Variants in GAS7 observed in about 807,000 individuals in gnomAD.
GAS7 encodes growth arrest specific 7, also known as growth arrest-specific protein 7.
GAS7 carries 28 observed loss-of-function variants against 71.1 expected under a neutral mutation model. The observed-to-expected ratio is 0.39, with a 90% confidence interval of 0.29 to 0.54. The LOEUF (loss-of-function observed/expected upper bound fraction) is 0.54. Among genes scored for constraint, GAS7 ranks in the 20% least tolerant of loss-of-function variants. The pLI, the probability that GAS7 is intolerant of heterozygous loss-of-function variation, is 0.62. For synonymous variants in GAS7, 258 were observed against 245.8 expected (o/e 1.05, Z -0.46); for missense variants, 436 against 627.8 (o/e 0.69, Z 3.27).
chr17:10,100,503 C>T (rs146965912), intron 1 of GAS7, among the ~76,000 whole-genome samples: 6 of 152,298 alleles, frequency 3.9e-5, no homozygotes, highest in South Asian at 4.1e-4. Context: ...AAATCCCATC[C>T]AGGTGAGAGC....
chr17:10,004,046 G>T (rs973240084), intron 2 of GAS7, among the ~76,000 whole-genome samples: 7 of 152,154 alleles, frequency 4.6e-5, no homozygotes, highest in African/African-American at 1.7e-4. Context: ...TCGTAGGAGT[G>T]GCAACTCACA....
At chr17:10,160,939 T>TAAACACACACACAC (rs2074250109) in intron 1 of GAS7, among the ~76,000 whole-genome samples, 1 of 139,604 alleles carries the variant, frequency 7.2e-6, no homozygotes, top group East Asian at 2.1e-4. Context: ...ATTGAAACCA[T>TAAACACACACACAC]ACACACACAC....
At chr17:10,182,897 T>A (rs1160734791) in intron 1 of GAS7, among the ~76,000 whole-genome samples, 1 of 152,232 alleles carries the variant, frequency 6.6e-6, no homozygotes, top group African/African-American at 2.4e-5. Context: ...AGCAGTCTCC[T>A]GAGTTTCACC....
intron 1 of GAS7, among the ~76,000 whole-genome samples, chr17:10,132,113 G>T (rs1413202175): frequency 6.6e-6 from 1 of 152,184 alleles, no homozygotes; most frequent in African/African-American, 2.4e-5. Flanking sequence ...CTCAATGATT[G>T]CATGAGTACT....
rs150719505 is a variant in GAS7, at chr17:9,981,869, C to T, written c.320G>A (p.Arg107His). 166 of 1,588,520 alleles carry T rather than the reference C, an allele frequency of 1.0e-4. No homozygotes were observed. The highest frequency in any genetic ancestry group is 1.2e-4 in the Non-Finnish European group (141 of 1,156,834). The change falls in exon 3 of 14, where the codon CGT becomes CAT. Residue 107 changes from arginine (R) to histidine (H), a missense_variant. By Grantham distance (29) the Arg-to-His change is conservative (BLOSUM62 0). Coordinates refer to ENST00000432992, the MANE Select transcript of GAS7 (RefSeq NM_201433.2). This position sits in a 1 kb window ranked among gnomAD's most constrained non-coding sequence, Gnocchi z 4.4. ...NTTTNETTWERPSSSPGIPAS... is the reference protein window; with the variant it reads ...NTTTNETTWEHPSSSPGIPAS... ...TGGAATCCCAGGAGAACTGCTGGGA[C>T]GTTCCCAGGTGGTCTCTGGTGAAAG...
In GAS7 at chr17:10,053,931, C is replaced by T. The variant is rs993651404; in HGVS notation, c.184-34034G>A. On this transcript the variant is annotated intron_variant, in intron 1 of 13. Coordinates refer to ENST00000432992, the MANE Select transcript of GAS7 (RefSeq NM_201433.2). ...GAAGGGCTGTTAGGACACAGTCTGC[C>T]GGGCCCACCCTCCAAGCTTCTGGAT... Among the ~76,000 whole-genome samples the T allele has an allele frequency of 3.9e-5, 6 of 152,256 alleles. No individual in the cohort carries two copies. In the South Asian group the frequency reaches 6.2e-4, roughly 16 times the overall value.
intron 1 of GAS7, among the ~76,000 whole-genome samples, chr17:10,048,880 C>T (rs1299104177): frequency 6.6e-6 from 1 of 152,196 alleles, no homozygotes; most frequent in Admixed American, 6.5e-5. Flanking sequence ...ATGCAAAAAT[C>T]CAGAGAACTG....
intron 7 of GAS7, among the ~76,000 whole-genome samples, chr17:9,941,686 G>A (rs952421026): frequency 2.6e-5 from 4 of 152,200 alleles, no homozygotes; most frequent in South Asian, 2.1e-4. Flanking sequence ...AACCATAAGC[G>A]TGTTCAAGCT....
intron 1 of GAS7, among the ~76,000 whole-genome samples, chr17:10,057,099 A>G (rs2073150875): frequency 6.6e-6 from 1 of 152,054 alleles, no homozygotes; most frequent in Admixed American, 6.6e-5. Context: ...CTCAGTGCTC[A>G]ATGTTGCCCA....
At chr17:9,973,645 G>C (rs1268987234) in intron 3 of GAS7, among the ~76,000 whole-genome samples, 1 of 152,094 alleles carries the variant, frequency 6.6e-6, no homozygotes. Context: ...TTATCAAAAG[G>C]GTTTCAAGAG....
chr17:9,917,103 C>T lies in GAS7; in HGVS notation c.*125G>A, dbSNP rs1390662836. 3 of 692,202 alleles carry T rather than the reference C, an allele frequency of 4.3e-6. No individual in the cohort carries two copies. Among genetic ancestry groups the T allele is most frequent in the East Asian group, 2.6e-5 (1 of 37,848 alleles). The allele number at this position is 692,202 out of a possible 1,614,324, so 42.9% of individuals were successfully genotyped here. ...TGTCCGGGTCACCCTTCTGGAATCA[C>T]CAGCTCTCTCCCCTCTCCTCAGTGG... is the stretch of plus-strand genomic sequence containing the variant. On this transcript the variant is annotated 3_prime_UTR_variant, in exon 14 of 14. Transcript: ENST00000432992.
intron 1 of GAS7, among the ~76,000 whole-genome samples, chr17:10,095,190 T>C (rs533800270): frequency 3.3e-5 from 5 of 152,274 alleles, no homozygotes; most frequent in East Asian, 1.9e-4. Flanking sequence ...ACCTGGCACA[T>C]AGGAAGGTAT....
chr17:10,172,833 CA>C (rs1256248916), intron 1 of GAS7, among the ~76,000 whole-genome samples: 2 of 152,220 alleles, frequency 1.3e-5, no homozygotes, highest in Non-Finnish European at 2.9e-5. Context: ...GCAGTCTCAA[CA>C]AAAGACTAAA....
At chr17:10,045,152 G>C (rs1218927385) in intron 1 of GAS7, among the ~76,000 whole-genome samples, 1 of 152,112 alleles carries the variant, frequency 6.6e-6, no homozygotes, top group Non-Finnish European at 1.5e-5. Context: ...AAGAGTGATG[G>C]GTGTAGACTT....
chr17:9,919,733 GA>G lies in GAS7; in HGVS notation c.1139-29del, dbSNP rs1378078651. The G allele has an allele frequency of 2.0e-6, 3 of 1,522,096 alleles. No homozygotes were observed. The African/African-American group carries it at 4.1e-5, about 21-fold the overall frequency. 94.3% of individuals were successfully genotyped at this position (1,522,096 alleles called of 1,614,324 possible). On this transcript the variant is annotated intron_variant, in intron 11 of 13. Transcript: ENST00000432992. This position sits in a 1 kb window ranked among gnomAD's most constrained non-coding sequence, Gnocchi z 5.0. ...GGAAAAAGACCACAGTCACCATCAT[GA>G]AGCATCCTATCCTCACCATGACTCT...
At position 10,037,817 on chromosome 17, in the gene GAS7, A is replaced by G. The variant is rs12452356; in HGVS notation, c.184-17920T>C. Among the ~76,000 whole-genome samples the G allele has an allele frequency of 6.3e-3, 959 of 152,254 alleles. 28 individuals carry two copies. The East Asian group carries it at 0.1, about 16-fold the overall frequency. ...AATGAAAGCTAGGATTTTTGTTGTT[A>G]CTATCACCAGTGGCTGAAAGGTAGG... On this transcript the variant is annotated intron_variant, in intron 1 of 13. Transcript: ENST00000432992.
chr17:10,035,359 A>C (rs2152223477), intron 1 of GAS7, among the ~76,000 whole-genome samples: 1 of 152,272 alleles, frequency 6.6e-6, no homozygotes, highest in South Asian at 2.1e-4. Context: ...ATCAATGCAG[A>C]GCCCCAGGTC....
intron 2 of GAS7, among the ~76,000 whole-genome samples, chr17:10,005,164 C>CATACATGCATGTGTATGTGTTT (rs1567880102): frequency 2.0e-5 from 2 of 99,022 alleles, no homozygotes; most frequent in Non-Finnish European, 5.3e-5. Flanking sequence ...CATGTGTGTG[C>CATACATGCATGTGTATGTGTTT]GCACGCATGC....
chr17:10,046,191 G>A (rs2072952156), intron 1 of GAS7, among the ~76,000 whole-genome samples: 1 of 151,896 alleles, frequency 6.6e-6, no homozygotes. Context: ...TCCCCACAAC[G>A]ACAGGAACAC....
Sources: gnomAD v4.1 joint callset for allele counts (sites outside exome capture counted in the v4.1 genomes callset) on GRCh38, gnomAD v4.1.1 for gene constraint, Gnocchi (gnomAD v3.1) non-coding constraint, MANE v1.5 for transcripts, NCBI Gene and HGNC (gene_info 2026-07-23, HGNC 2026-07-21) for gene names.